The following ERBB4 variants were observed in gnomAD, a reference collection of about 807,000 sequenced individuals.
The protein encoded by ERBB4 is receptor tyrosine-protein kinase erbB-4.
In ERBB4, 42 loss-of-function variants were observed where a neutral mutation model predicts 158.0. That is an observed-to-expected ratio of 0.27 (90% CI 0.21 to 0.34). ERBB4 has a LOEUF of 0.34. Ranked by LOEUF, ERBB4 falls within the 10% of genes least tolerant of loss-of-function variation. The pLI is 1.00. For synonymous variants in ERBB4, 583 were observed against 558.7 expected (o/e 1.04, Z -0.61); for missense variants, 1,333 against 1,624.1 (o/e 0.82, Z 3.08).
At chr2:212,228,781 C>G (rs2083564424) in intron 1 of ERBB4, among the ~76,000 whole-genome samples, 1 of 152,180 alleles carries the variant, frequency 6.6e-6, no homozygotes, top group Non-Finnish European at 1.5e-5. Context: ...ACATAATCAA[C>G]CAGATGATGA....
At chr2:211,764,141 A>C (rs572255082) in intron 4 of ERBB4, among the ~76,000 whole-genome samples, 11 of 152,344 alleles carry the variant, frequency 7.2e-5, no homozygotes, top group Admixed American at 5.9e-4. Context: ...ACAAAAAATA[A>C]ATTCAAGGAT....
chr2:212,520,009 A>G (rs950704231), intron 1 of ERBB4, among the ~76,000 whole-genome samples: 8 of 152,004 alleles, frequency 5.3e-5, no homozygotes, highest in Admixed American at 5.3e-4. Context: ...GCAGGTACTG[A>G]AAAATCACTC....
At chr2:212,226,370 C>T (rs1416697683) in intron 1 of ERBB4, among the ~76,000 whole-genome samples, 9 of 151,376 alleles carry the variant, frequency 5.9e-5, no homozygotes. Flanking sequence ...CCATGCTATA[C>T]CTGTACCTCT....
In ERBB4 at chr2:211,379,592, T is replaced by G. The variant is rs1046330618; in HGVS notation, c.*4023A>C. 5 of 231,176 alleles carry G rather than the reference T, an allele frequency of 2.2e-5. No individual in the cohort carries two copies. Among genetic ancestry groups the G allele is most frequent in the African/African-American group, 4.4e-5 (2 of 45,258 alleles). 14.3% of individuals were successfully genotyped at this position (231,176 alleles called of 1,614,324 possible). ...TAACTTTGTTACATTATACTTGTGG[T>G]TAGTTTTCTAGTTTGATTTATTTAA... On this transcript the variant is annotated 3_prime_UTR_variant, in exon 28 of 28. Coordinates refer to ENST00000342788, the MANE Select transcript of ERBB4 (RefSeq NM_005235.3).
chr2:212,307,129 T>C (rs1411069565), intron 1 of ERBB4, among the ~76,000 whole-genome samples: 1 of 151,296 alleles, frequency 6.6e-6, no homozygotes, highest in Non-Finnish European at 1.5e-5. Context: ...TTACTCATTA[T>C]CTGTGTATCC....
intron 19 of ERBB4, among the ~76,000 whole-genome samples, chr2:211,598,319 C>T (rs1038040860): frequency 6.6e-6 from 1 of 151,678 alleles, no homozygotes; most frequent in Admixed American, 6.6e-5. Flanking sequence ...AAAAATGAAC[C>T]CTGAAAACAG....
At chr2:212,412,064 C>A (rs935772696) in intron 1 of ERBB4, among the ~76,000 whole-genome samples, 3 of 152,056 alleles carry the variant, frequency 2.0e-5, no homozygotes, top group Non-Finnish European at 4.4e-5. Context: ...TCCTGCAAAC[C>A]CTCTCTTTAA....
At chr2:211,802,930 T>G (rs2076532332) in intron 3 of ERBB4, among the ~76,000 whole-genome samples, 1 of 152,218 alleles carries the variant, frequency 6.6e-6, no homozygotes, top group African/African-American at 2.4e-5. Context: ...CTCATTGAAT[T>G]TAATGGTTCT....
At chr2:211,562,540 G>A (rs1192199965) in intron 19 of ERBB4, among the ~76,000 whole-genome samples, 1 of 152,068 alleles carries the variant, frequency 6.6e-6, no homozygotes, top group Non-Finnish European at 1.5e-5. Flanking sequence ...TGTAGAGTTG[G>A]ACAGCTTACA....
At chr2:211,544,619 A>G (rs148614968) in intron 20 of ERBB4, among the ~76,000 whole-genome samples, 1 of 152,186 alleles carries the variant, frequency 6.6e-6, no homozygotes, top group East Asian at 1.9e-4. Context: ...GTGAGAAAAT[A>G]ATAATGATAG....
At chr2:211,670,821 A>C (rs962227750) in intron 14 of ERBB4, among the ~76,000 whole-genome samples, 2 of 152,168 alleles carry the variant, frequency 1.3e-5, no homozygotes, top group Admixed American at 1.3e-4. Context: ...TATAAATATG[A>C]TCCAAGATAA....
intron 2 of ERBB4, among the ~76,000 whole-genome samples, chr2:212,065,950 G>A (rs2077934712): frequency 6.6e-6 from 1 of 152,014 alleles, no homozygotes; most frequent in Admixed American, 6.6e-5. Flanking sequence ...TAGTCTGGTT[G>A]AAAGCAGTTG....
intron 1 of ERBB4, among the ~76,000 whole-genome samples, chr2:212,464,892 T>TCACACACACACA (rs148243973): frequency 3.2e-4 from 47 of 146,140 alleles, no homozygotes; most frequent in African/African-American, 8.0e-4. Flanking sequence ...AAGGGAAACA[T>TCACACACACACA]CACACACACA....
At chr2:212,395,614 CTTTTTTTTTTTTTT>C (rs760604732) in intron 1 of ERBB4, among the ~76,000 whole-genome samples, 1 of 84,736 alleles carries the variant, frequency 1.2e-5, no homozygotes, top group South Asian at 4.4e-4. Context: ...CAGTTACACT[CTTTTTTTTTTTTTT>C]TTTTTTTTTT....
intron 3 of ERBB4, among the ~76,000 whole-genome samples, chr2:211,791,634 G>T (rs1051575612): frequency 6.6e-6 from 1 of 151,892 alleles, no homozygotes; most frequent in South Asian, 2.1e-4. Flanking sequence ...CTTGGTCATT[G>T]AATCAATTGA....
At chr2:211,385,660 G>C (rs2062669863) in intron 27 of ERBB4, among the ~76,000 whole-genome samples, 1 of 152,132 alleles carries the variant, frequency 6.6e-6, no homozygotes, top group African/African-American at 2.4e-5. Context: ...TAGAAACGGA[G>C]CTTAGTGTTC....
At chr2:212,383,840 A>C (rs1396177410) in intron 1 of ERBB4, among the ~76,000 whole-genome samples, 1 of 151,716 alleles carries the variant, frequency 6.6e-6, no homozygotes, top group East Asian at 1.9e-4. Flanking sequence ...AATTAGGCAC[A>C]TGTCAGGCTT....
intron 8 of ERBB4, 129 bp downstream of exon 8, chr2:211,713,406 A>T: frequency 1.4e-6 from 1 of 693,628 alleles, no homozygotes; most frequent in South Asian, 1.6e-5. Context: ...GTTCAAAATT[A>T]TGGAAAGCGT....
At chr2:212,384,190 T>C (rs1574820481) in intron 1 of ERBB4, among the ~76,000 whole-genome samples, 1 of 151,618 alleles carries the variant, frequency 6.6e-6, no homozygotes, top group Non-Finnish European at 1.5e-5. Context: ...GTGACAGCAA[T>C]TGTGACCCTA....
Sources: gnomAD v4.1 joint callset for allele counts (sites outside exome capture counted in the v4.1 genomes callset) on GRCh38, gnomAD v4.1.1 for gene constraint, MANE v1.5 for transcripts, NCBI Gene and HGNC (gene_info 2026-07-23, HGNC 2026-07-21) for gene names.